The following PTN variants were observed in gnomAD, a reference collection of about 807,000 sequenced individuals.
The protein encoded by PTN is pleiotrophin.
Under a neutral mutation model 24.1 loss-of-function variants are expected in PTN, and 18 were observed. The ratio of observed to expected loss-of-function variants is 0.75; its 90% CI spans 0.52 to 1.11. The LOEUF (loss-of-function observed/expected upper bound fraction) is 1.11, where lower values mean the gene tolerates loss of function less well. Among genes scored for constraint, PTN ranks in the 50% least tolerant of loss-of-function variants. The pLI, the probability that PTN is intolerant of heterozygous loss-of-function variation, is 0.00. For missense variants in PTN, 163 were observed against 198.8 expected (o/e 0.82, Z 1.08); for synonymous variants, 78 against 68.6 (o/e 1.14, Z -0.67).
intron 1 of PTN, among the ~76,000 whole-genome samples, chr7:137,312,625 A>T (rs1379489594): frequency 1.3e-5 from 2 of 152,204 alleles, no homozygotes; most frequent in Non-Finnish European, 2.9e-5. Context: ...ATTTATTGAA[A>T]AATGTGAAGC....
intron 1 of PTN, among the ~76,000 whole-genome samples, chr7:137,311,014 T>C (rs1347173401): frequency 6.6e-6 from 1 of 152,064 alleles, no homozygotes; most frequent in African/African-American, 2.4e-5. Flanking sequence ...AGCAGATCAC[T>C]TGAGGTCAGA....
intron 1 of PTN, among the ~76,000 whole-genome samples, chr7:137,342,358 A>G (rs947123324): frequency 5.9e-5 from 9 of 152,164 alleles, no homozygotes; most frequent in African/African-American, 2.2e-4. Context: ...AAAATGCCTG[A>G]TAACTCTTAA....
chr7:137,310,403 T>G (rs322342), intron 1 of PTN, among the ~76,000 whole-genome samples: 701 of 31,446 alleles, frequency 0.022, 6 homozygotes, highest in East Asian at 0.11. Flanking sequence ...TTTTTTTTTT[T>G]GTTTTTTTTT....
chr7:137,251,917 T>A (rs946053480), intron 3 of PTN, among the ~76,000 whole-genome samples: 1 of 151,880 alleles, frequency 6.6e-6, no homozygotes, highest in Admixed American at 6.6e-5. Flanking sequence ...TACCCCAGTT[T>A]GTTTAACCAT....
chr7:137,282,522 C>CAGCCAT (rs1169713386), intron 1 of PTN, among the ~76,000 whole-genome samples: 4 of 152,072 alleles, frequency 2.6e-5, no homozygotes, highest in African/African-American at 7.2e-5. Flanking sequence ...TCATGTCCAA[C>CAGCCAT]AGCCATGATA....
chr7:137,267,695 C>CCACGCT (rs1809181566), intron 1 of PTN, among the ~76,000 whole-genome samples: 1 of 152,064 alleles, frequency 6.6e-6, no homozygotes. Context: ...AGACAAAACA[C>CCACGCT]CACGCTCACA....
chr7:137,311,118 A>G (rs1395181475), intron 1 of PTN, among the ~76,000 whole-genome samples: 1 of 151,926 alleles, frequency 6.6e-6, no homozygotes, highest in Non-Finnish European at 1.5e-5. Context: ...TGTAACCCCA[A>G]CTACTTGAGA....
intron 4 of PTN, among the ~76,000 whole-genome samples, chr7:137,229,339 C>T (rs1808389556): frequency 6.6e-6 from 1 of 151,588 alleles, no homozygotes; most frequent in Non-Finnish European, 1.5e-5. Context: ...AAACAATGAC[C>T]AACAGGGATG....
intron 1 of PTN, among the ~76,000 whole-genome samples, chr7:137,260,268 C>T (rs149038643): frequency 9.4e-4 from 143 of 152,146 alleles, no homozygotes; most frequent in African/African-American, 3.3e-3. Flanking sequence ...CATAAACTCT[C>T]GTGAAATAGT....
rs369801672 is a variant in PTN at position 137,254,252 on chromosome 7, G to A, written c.115+607C>T. Among the ~76,000 whole-genome samples, 9 of 148,744 alleles carry A rather than the reference G, an allele frequency of 6.1e-5. 1 individual carries two copies. The highest frequency in any genetic ancestry group is 2.2e-4 in the African/African-American group (9 of 40,222). Reference sequence around the variant, plus strand: ...ACAGAGGATACAGTGAGTTGAGATCGCACCACTGCACTCCAACCTGGTGAC... The same window carrying A: ...ACAGAGGATACAGTGAGTTGAGATCACACCACTGCACTCCAACCTGGTGAC... On this transcript the variant is annotated intron_variant, in intron 2 of 4. Transcript: ENST00000348225.
chr7:137,289,493 T>C (rs1809607514), intron 1 of PTN, among the ~76,000 whole-genome samples: 1 of 152,160 alleles, frequency 6.6e-6, no homozygotes, highest in South Asian at 2.1e-4. Flanking sequence ...TCCAAATCAG[T>C]CAACCTTAAA....
At chr7:137,330,794 G>A (rs1810344474) in intron 1 of PTN, among the ~76,000 whole-genome samples, 1 of 152,172 alleles carries the variant, frequency 6.6e-6, no homozygotes, top group African/African-American at 2.4e-5. Context: ...CAGAGCTGGA[G>A]TGATTTCATG....
At chr7:137,324,886 T>C (rs897688194) in intron 1 of PTN, 1 of 152,188 alleles carries the variant, frequency 6.6e-6, no homozygotes, top group African/African-American at 2.4e-5. Flanking sequence ...AGTAAAATAT[T>C]ACATGGATGT....
At chr7:137,278,306 C>CAAAA (rs71176391) in intron 1 of PTN, among the ~76,000 whole-genome samples, 842 of 62,858 alleles carry the variant, frequency 0.013, 22 homozygotes, top group East Asian at 0.021. Context: ...GACTCCGTCT[C>CAAAA]AAAAAAAAAA....
intron 2 of PTN, among the ~76,000 whole-genome samples, chr7:137,254,300 A>C (rs1808879648): frequency 6.6e-6 from 1 of 152,034 alleles, no homozygotes; most frequent in South Asian, 2.1e-4. Flanking sequence ...CAACTCAAAA[A>C]AAAAAAAAAA....
At chr7:137,277,081 T>C (rs1001745593) in intron 1 of PTN, among the ~76,000 whole-genome samples, 17 of 152,136 alleles carry the variant, frequency 1.1e-4, no homozygotes, top group Admixed American at 2.0e-4. Flanking sequence ...ATAAAGAATA[T>C]TTACAAGTCA....
intron 1 of PTN, among the ~76,000 whole-genome samples, chr7:137,300,085 A>G (rs1454968194): frequency 6.6e-6 from 1 of 151,596 alleles, no homozygotes; most frequent in Non-Finnish European, 1.5e-5. Flanking sequence ...TTACAACACT[A>G]ATCTTTCTTT....
At chr7:137,279,390 A>T (rs1216422549) in intron 1 of PTN, among the ~76,000 whole-genome samples, 2 of 152,228 alleles carry the variant, frequency 1.3e-5, no homozygotes, top group Non-Finnish European at 2.9e-5. Flanking sequence ...GATGCACCAA[A>T]ATTAGAAAAC....
intron 1 of PTN, among the ~76,000 whole-genome samples, chr7:137,312,909 G>T (rs1274026500): frequency 6.6e-6 from 1 of 151,848 alleles, no homozygotes. Context: ...AAATGAAAAA[G>T]AAAAAAGACT....
Sources: allele counts gnomAD v4.1 joint callset (sites outside exome capture counted in the v4.1 genomes callset), GRCh38; gene constraint gnomAD v4.1.1; transcripts MANE v1.5; gene names NCBI Gene and HGNC (gene_info 2026-07-23, HGNC 2026-07-21).